ITSN2: variants seen among roughly 807,000 people sequenced by gnomAD.
ITSN2 encodes intersectin 2, also known as intersectin-2.
Under a neutral mutation model 243.7 loss-of-function variants are expected in ITSN2, and 156 were observed. The ratio of observed to expected loss-of-function variants is 0.64; its 90% CI spans 0.56 to 0.73. The LOEUF is 0.73. Ranked by LOEUF, ITSN2 falls within the 30% of genes least tolerant of loss-of-function variation. ITSN2 has a pLI of 0.00. For missense variants in ITSN2, 1,801 were observed against 1,996.1 expected (o/e 0.90, Z 1.86); for synonymous variants, 703 against 699.9 (o/e 1.00, Z -0.07).
At chr2:24,207,450 C>T (rs59595124) in intron 37 of ITSN2, among the ~76,000 whole-genome samples, 118,626 of 151,950 alleles carry the variant, frequency 0.78, 46,974 homozygotes, top group East Asian at 0.88. Context: ...GTGGGAGCAG[C>T]GGGGCAGGTG....
At chr2:24,351,205 C>A (rs1224078545) in intron 1 of ITSN2, among the ~76,000 whole-genome samples, 1 of 152,106 alleles carries the variant, frequency 6.6e-6, no homozygotes, top group Non-Finnish European at 1.5e-5. Context: ...GCTTCCTTTG[C>A]CACAGTCCCA....
chr2:24,308,573 T>C, intron 8 of ITSN2, 44 bp downstream of exon 8: 1 of 1,259,798 alleles, frequency 7.9e-7, no homozygotes, highest in Non-Finnish European at 1.0e-6. Flanking sequence ...GAAGTCCACA[T>C]AAAAGACCCT....
chr2:24,285,079 T>C (rs549928208), intron 16 of ITSN2, among the ~76,000 whole-genome samples: 6 of 151,962 alleles, frequency 3.9e-5, no homozygotes, highest in Non-Finnish European at 7.4e-5. Context: ...GTATTTTTAG[T>C]AGAGATGGGG....
At chr2:24,203,832 C>A in intron 39 of ITSN2, 49 bp from the exon 40 acceptor site, 1 of 1,537,098 alleles carries the variant, frequency 6.5e-7, no homozygotes, top group Non-Finnish European at 8.9e-7. Context: ...TTTATAAAAT[C>A]ATTAAAGAGC....
chr2:24,261,323 C>A, intron 21 of ITSN2, 73 bp from the exon 22 acceptor site: 1 of 1,142,064 alleles, frequency 8.8e-7, no homozygotes. Flanking sequence ...AATTTATCAA[C>A]TTACATATTA....
intron 29 of ITSN2, among the ~76,000 whole-genome samples, chr2:24,222,971 G>A (rs924717554): frequency 2.0e-5 from 3 of 151,984 alleles, no homozygotes; most frequent in East Asian, 3.9e-4. Context: ...CCCCATGCCC[G>A]GTGCAATAAC....
intron 32 of ITSN2, among the ~76,000 whole-genome samples, chr2:24,213,062 A>G (rs1034255100): frequency 1.3e-5 from 2 of 152,146 alleles, no homozygotes; most frequent in Non-Finnish European, 2.9e-5. Context: ...GGAATATCTC[A>G]GCTCATGTGC....
chr2:24,330,771 CTT>C (rs903037107), intron 1 of ITSN2: 1,111 of 388,574 alleles, frequency 2.9e-3, no homozygotes, highest in East Asian at 3.7e-3. Flanking sequence ...TTTCATTTTA[CTT>C]TTTTTTTTTT....
intron 1 of ITSN2, among the ~76,000 whole-genome samples, chr2:24,353,679 G>A (rs1400103814): frequency 2.0e-5 from 3 of 152,126 alleles, no homozygotes; most frequent in African/African-American, 7.2e-5. Context: ...ATGGGAATAC[G>A]TATTGGTATC....
At chr2:24,334,853 G>A (rs1452507645) in intron 1 of ITSN2, 12 of 633,742 alleles carry the variant, frequency 1.9e-5, no homozygotes, top group Non-Finnish European at 3.2e-5. Context: ...CACGAGGTCA[G>A]GAGATCGAGA....
Position 24,203,581 on chromosome 2 carries a change from C to T in ITSN2, c.*45G>A. 2 of 1,581,936 alleles carry T rather than the reference C, an allele frequency of 1.3e-6. No individual in the cohort carries two copies. ...GAGAGCGCAGTCTCTCATTCTCCAG[C>T]CCCAGCCTTGTGGGCTGTCCCGCTG... is the stretch of plus-strand genomic sequence containing the variant. On this transcript the variant is annotated 3_prime_UTR_variant, in exon 40 of 40. Coordinates refer to ENST00000355123, the MANE Select transcript of ITSN2 (RefSeq NM_006277.3).
Position 24,217,970 on chromosome 2 carries a change from C to T in ITSN2, c.3743G>A (p.Gly1248Glu), listed in dbSNP as rs1305747094. ...RMAESGFLTE[G>E]EMALIFVNWK... ...GTTAACAAAAATCAGGGCCATCTCCCCTTCAGTGAGAAAGCCTGACTCTGC... is the reference window on the plus strand; with the variant it reads ...GTTAACAAAAATCAGGGCCATCTCCTCTTCAGTGAGAAAGCCTGACTCTGC... The change falls in exon 31 of 40, where the codon GGG (glycine) becomes GAG (glutamate). Residue 1248 changes from glycine to glutamate, a missense_variant. Physicochemically the swap from Gly to Glu is moderately conservative, Grantham distance 98. Coordinates refer to ENST00000355123, the MANE Select transcript of ITSN2 (RefSeq NM_006277.3). The T allele has an allele frequency of 6.2e-7, 1 of 1,614,004 alleles. No homozygotes were observed. The highest frequency in any genetic ancestry group is 1.3e-5 in the African/African-American group (1 of 74,918).
At chr2:24,254,796 T>G (rs571218551) in intron 23 of ITSN2, among the ~76,000 whole-genome samples, 12 of 152,324 alleles carry the variant, frequency 7.9e-5, no homozygotes, top group Non-Finnish European at 1.5e-4. Flanking sequence ...AATATATACA[T>G]TTTATTATTT....
intron 17 of ITSN2, among the ~76,000 whole-genome samples, chr2:24,279,143 T>C (rs901288376): frequency 2.6e-5 from 4 of 152,220 alleles, no homozygotes; most frequent in Non-Finnish European, 5.9e-5. Context: ...TAAATTACAT[T>C]AAACTTTTCT....
intron 2 of ITSN2, among the ~76,000 whole-genome samples, chr2:24,317,110 G>A (rs1389518993): frequency 1.3e-5 from 2 of 152,216 alleles, no homozygotes; most frequent in Non-Finnish European, 2.9e-5. Context: ...GCCGGGCGCG[G>A]TGGCTCACGC....
intron 23 of ITSN2, among the ~76,000 whole-genome samples, chr2:24,254,723 C>A (rs753489037): frequency 6.6e-6 from 1 of 152,028 alleles, no homozygotes; most frequent in East Asian, 1.9e-4. Flanking sequence ...TTAAAAGACA[C>A]CCACAAATTG....
At position 24,225,817 on chromosome 2, in the gene ITSN2, A is replaced by T. The variant is rs2251237; in HGVS notation, c.3578-4751T>A. 0.97 allele frequency among the ~76,000 whole-genome samples: 147,800 copies of T among 152,250 alleles called. 71,748 individuals are homozygous for T. The highest frequency in any genetic ancestry group is 0.99 in the East Asian group (5,133 of 5,176). ...GGGTTCCCAACACGTATTTGACCAC[A>T]GAATCCTCTTTTTTTGAGAGGAGGG... On this transcript the variant is annotated intron_variant, in intron 29 of 39. Transcript: ENST00000355123. This position sits in a 1 kb window ranked among gnomAD's most constrained non-coding sequence, Gnocchi z 4.2.
intron 29 of ITSN2, among the ~76,000 whole-genome samples, chr2:24,228,560 T>C (rs1421004376): frequency 1.3e-5 from 2 of 152,054 alleles, no homozygotes; most frequent in East Asian, 3.9e-4. Context: ...TAGAGATAAA[T>C]CATCCTCCTT....
At chr2:24,283,580 C>G (rs1356545536) in intron 17 of ITSN2, among the ~76,000 whole-genome samples, 1 of 152,250 alleles carries the variant, frequency 6.6e-6, no homozygotes, top group Non-Finnish European at 1.5e-5. Flanking sequence ...CTAGTAACTA[C>G]AGAAGACCTC....
Sources: allele counts gnomAD v4.1 joint callset (sites outside exome capture counted in the v4.1 genomes callset), GRCh38; gene constraint gnomAD v4.1.1; non-coding constraint Gnocchi (gnomAD v3.1); transcripts MANE v1.5; gene names NCBI Gene and HGNC (gene_info 2026-07-23, HGNC 2026-07-21).